Variants in COL23A1 observed in about 807,000 individuals in gnomAD.
COL23A1 encodes the protein collagen type XXIII alpha 1 chain, also known as collagen alpha-1(XXIII) chain.
In COL23A1, 97 loss-of-function variants were observed where a neutral mutation model predicts 99.3. The ratio of observed to expected loss-of-function variants is 0.98; its 90% CI spans 0.83 to 1.16. COL23A1 has a LOEUF of 1.16. Among genes scored for constraint, COL23A1 ranks in the 50% most tolerant of loss-of-function variants. COL23A1 has a pLI of 0.00. For missense variants in COL23A1, 762 were observed against 757.4 expected, an observed-to-expected ratio of 1.01 and a Z score of -0.07; for synonymous variants, 320 against 308.2, an observed-to-expected ratio of 1.04 and a Z score of -0.40.
At position 178,302,106 on chromosome 5, in the gene COL23A1, CTG is replaced by C. The variant is rs1458400954; in HGVS notation, c.406+4767_406+4768del. Among the ~76,000 whole-genome samples, 168 of 137,872 alleles carry C rather than the reference CTG, an allele frequency of 1.2e-3. 21 individuals are homozygous for C. Among genetic ancestry groups the C allele is most frequent in the Non-Finnish European group, 1.3e-3 (82 of 63,542 alleles). 90.4% of individuals were successfully genotyped at this position (137,872 alleles called of 152,430 possible). ...TGTGTGCCGGAGCACGGCTTCAATG[CTG>C]CACCTCTGTGTGCGCCGGAGCACGG... is the stretch of plus-strand genomic sequence containing the variant. On this transcript the variant is annotated intron_variant, in intron 3 of 28. Transcript: ENST00000390654.
chr5:178,372,227 G>A (rs758655723), intron 2 of COL23A1, among the ~76,000 whole-genome samples: 4 of 152,084 alleles, frequency 2.6e-5, no homozygotes, highest in Admixed American at 6.5e-5. Flanking sequence ...GAGGCACTTC[G>A]AGAGAGTGTT....
chr5:178,517,627 T>A (rs1417444957), intron 2 of COL23A1, among the ~76,000 whole-genome samples: 1 of 139,742 alleles, frequency 7.2e-6, no homozygotes, highest in Non-Finnish European at 1.5e-5. Context: ...AGTGGCATGA[T>A]CTCAGCTCAC....
intron 2 of COL23A1, among the ~76,000 whole-genome samples, chr5:178,549,690 C>G (rs1294488069): frequency 6.6e-6 from 1 of 152,140 alleles, no homozygotes; most frequent in African/African-American, 2.4e-5. Flanking sequence ...TGGTGTGCTC[C>G]TGTAATCCCA....
At chr5:178,406,655 C>T (rs1005047938) in intron 2 of COL23A1, among the ~76,000 whole-genome samples, 3 of 152,130 alleles carry the variant, frequency 2.0e-5, no homozygotes, top group African/African-American at 7.2e-5. Context: ...GTCTTGAACT[C>T]CTGACCTTGT....
chr5:178,520,189 A>T (rs538259445), intron 2 of COL23A1, among the ~76,000 whole-genome samples: 1 of 152,258 alleles, frequency 6.6e-6, no homozygotes, highest in East Asian at 1.9e-4. Flanking sequence ...GCATCGAAGG[A>T]TGGATGGATG....
intron 2 of COL23A1, among the ~76,000 whole-genome samples, chr5:178,407,130 C>A (rs1392432540): frequency 6.6e-6 from 1 of 152,122 alleles, no homozygotes; most frequent in African/African-American, 2.4e-5. Context: ...CAGTGGAAGC[C>A]CCATGGGGAG....
chr5:178,312,884 C>T (rs771024672), intron 2 of COL23A1, among the ~76,000 whole-genome samples: 3 of 152,224 alleles, frequency 2.0e-5, no homozygotes, highest in Non-Finnish European at 4.4e-5. Flanking sequence ...ATCAGGGGAA[C>T]TGAGCCCCAC....
intron 1 of COL23A1, among the ~76,000 whole-genome samples, chr5:178,566,009 T>A (rs866954340): frequency 6.6e-6 from 1 of 150,430 alleles, no homozygotes; most frequent in Admixed American, 6.6e-5. Context: ...ACATCTGTAG[T>A]CCCAGATACT....
intron 2 of COL23A1, among the ~76,000 whole-genome samples, chr5:178,335,753 G>C (rs985890616): frequency 6.6e-6 from 1 of 152,208 alleles, no homozygotes; most frequent in African/African-American, 2.4e-5. Flanking sequence ...CTAGGAACTA[G>C]ACCTAGGACA....
chr5:178,267,180 G>T, intron 8 of COL23A1, 127 bp downstream of exon 8: 2 of 1,028,480 alleles, frequency 1.9e-6, no homozygotes, highest in Non-Finnish European at 3.0e-6. Context: ...GGGTGGGGAA[G>T]AGCCCTCTTG....
chr5:178,293,443 C>T (rs1757570867), intron 3 of COL23A1, among the ~76,000 whole-genome samples: 1 of 152,098 alleles, frequency 6.6e-6, no homozygotes, highest in Non-Finnish European at 1.5e-5. Flanking sequence ...AAGCAGGAAG[C>T]GAGGCCGTCA....
At chr5:178,560,426 C>A (rs1762496620) in intron 2 of COL23A1, among the ~76,000 whole-genome samples, 1 of 152,144 alleles carries the variant, frequency 6.6e-6, no homozygotes, top group Non-Finnish European at 1.5e-5. Flanking sequence ...CCATCTAAAT[C>A]TTCAGGCAGC....
At chr5:178,322,592 C>T (rs111552040) in intron 2 of COL23A1, among the ~76,000 whole-genome samples, 785 of 46,604 alleles carry the variant, frequency 0.017, 13 homozygotes, top group African/African-American at 0.12. Context: ...AACGAGCTGG[C>T]TCCTGCCTGG....
intron 2 of COL23A1, among the ~76,000 whole-genome samples, chr5:178,504,714 C>A (rs1272320669): frequency 6.6e-6 from 1 of 152,154 alleles, no homozygotes; most frequent in East Asian, 1.9e-4. Context: ...GTGCGCTGGC[C>A]AACAGTGTGT....
At chr5:178,507,818 G>A (rs191961785) in intron 2 of COL23A1, among the ~76,000 whole-genome samples, 5 of 152,310 alleles carry the variant, frequency 3.3e-5, no homozygotes, top group Admixed American at 6.5e-5. Context: ...TTTGTTTATC[G>A]TATTTTGGAT....
At chr5:178,507,380 G>GT (rs1758935224) in intron 2 of COL23A1, among the ~76,000 whole-genome samples, 1 of 152,174 alleles carries the variant, frequency 6.6e-6, no homozygotes, top group South Asian at 2.1e-4. Flanking sequence ...CTGTTCACGT[G>GT]TAAGTTCATG....
chr5:178,539,545 C>CAAAAAAAAAAAAAAA (rs58424731), intron 2 of COL23A1, among the ~76,000 whole-genome samples: 44 of 78,380 alleles, frequency 5.6e-4, no homozygotes, highest in Non-Finnish European at 8.6e-4. Context: ...GACTCTGTCT[C>CAAAAAAAAAAAAAAA]AAAAAAAAAA....
At chr5:178,579,166 G>A (rs1260565643) in intron 1 of COL23A1, among the ~76,000 whole-genome samples, 1 of 152,130 alleles carries the variant, frequency 6.6e-6, no homozygotes, top group Non-Finnish European at 1.5e-5. Flanking sequence ...AAAGTCAGCC[G>A]TGTCACCATG....
chr5:178,424,574 C>T (rs542276324), intron 2 of COL23A1, among the ~76,000 whole-genome samples: 2 of 152,292 alleles, frequency 1.3e-5, no homozygotes, highest in East Asian at 1.9e-4. Flanking sequence ...GGACAAGACA[C>T]ACCGGCAACG....
Sources: allele counts gnomAD v4.1 joint callset (sites outside exome capture counted in the v4.1 genomes callset), GRCh38; gene constraint gnomAD v4.1.1; transcripts MANE v1.5; gene names NCBI Gene and HGNC (gene_info 2026-07-23, HGNC 2026-07-21).